COX7B2: variants seen among roughly 807,000 people sequenced by gnomAD.
The protein encoded by COX7B2 is cytochrome c oxidase subunit 7B2, mitochondrial.
For missense variants in COX7B2, 109 were observed against 95.9 expected, an observed-to-expected ratio of 1.14 and a Z score of -0.57; for synonymous variants, 37 against 32.1, an observed-to-expected ratio of 1.15 and a Z score of -0.51.
chr4:46,804,297 A>G (rs560988437), intron 2 of COX7B2, among the ~76,000 whole-genome samples: 1 of 152,286 alleles, frequency 6.6e-6, no homozygotes, highest in Admixed American at 6.5e-5. Flanking sequence ...CGAAGCTTCC[A>G]CGGTACGGAA....
At chr4:46,857,109 G>A (rs1182163193) in intron 1 of COX7B2, among the ~76,000 whole-genome samples, 4 of 152,184 alleles carry the variant, frequency 2.6e-5, no homozygotes, top group Non-Finnish European at 5.9e-5. Flanking sequence ...ATGGTGACAA[G>A]CCTAGTGGTT....
At chr4:46,879,745 G>A (rs987246269) in intron 1 of COX7B2, among the ~76,000 whole-genome samples, 1 of 149,972 alleles carries the variant, frequency 6.7e-6, no homozygotes, top group Admixed American at 6.7e-5. Flanking sequence ...AGCCAATTGA[G>A]ACATATTTTG....
intron 2 of COX7B2, among the ~76,000 whole-genome samples, chr4:46,831,470 G>T (rs1265881307): frequency 6.6e-6 from 1 of 152,198 alleles, no homozygotes; most frequent in Non-Finnish European, 1.5e-5. Context: ...CTCCACCTGT[G>T]GCCCCAGTGC....
At chr4:46,742,148 T>G (rs369367154) in intron 2 of COX7B2, among the ~76,000 whole-genome samples, 53 of 152,208 alleles carry the variant, frequency 3.5e-4, no homozygotes, top group African/African-American at 1.2e-3. Flanking sequence ...AAGAAACATT[T>G]GGTAGCATTT....
intron 2 of COX7B2, among the ~76,000 whole-genome samples, chr4:46,766,288 T>A (rs973237741): frequency 6.6e-6 from 1 of 152,158 alleles, no homozygotes; most frequent in Non-Finnish European, 1.5e-5. Context: ...TAAATCTATA[T>A]AAAAGTTAAA....
intron 1 of COX7B2, among the ~76,000 whole-genome samples, chr4:46,888,923 A>C (rs1375686941): frequency 6.6e-6 from 1 of 152,136 alleles, no homozygotes; most frequent in Non-Finnish European, 1.5e-5. Context: ...TGTACCTTCC[A>C]GTGTTGCTGC....
chr4:46,760,592 A>G (rs1002776192), intron 2 of COX7B2, among the ~76,000 whole-genome samples: 10 of 152,146 alleles, frequency 6.6e-5, no homozygotes, highest in Admixed American at 2.0e-4. Context: ...TAGCATTAGG[A>G]GAAATACCTA....
intron 1 of COX7B2, among the ~76,000 whole-genome samples, chr4:46,903,610 A>G (rs1204037977): frequency 6.6e-6 from 1 of 152,178 alleles, no homozygotes; most frequent in Non-Finnish European, 1.5e-5. Context: ...TAGGCTGCTC[A>G]TTCATGCTAA....
intron 1 of COX7B2, among the ~76,000 whole-genome samples, chr4:46,873,337 C>T (rs1413025553): frequency 6.6e-6 from 1 of 151,986 alleles, no homozygotes; most frequent in Non-Finnish European, 1.5e-5. Flanking sequence ...GGGTATATAC[C>T]CAGTAATGGG....
chr4:46,831,204 C>T (rs1255580392), intron 2 of COX7B2, among the ~76,000 whole-genome samples: 1 of 152,106 alleles, frequency 6.6e-6, no homozygotes, highest in East Asian at 1.9e-4. Context: ...GGAGGGTGGG[C>T]CGGGTCCCCC....
At chr4:46,874,884 T>C (rs912861041) in intron 1 of COX7B2, among the ~76,000 whole-genome samples, 1 of 152,216 alleles carries the variant, frequency 6.6e-6, no homozygotes, top group Non-Finnish European at 1.5e-5. Context: ...TAATCATAGT[T>C]GTATTTAACC....
intron 1 of COX7B2, among the ~76,000 whole-genome samples, chr4:46,905,673 A>C (rs867533505): frequency 6.6e-6 from 1 of 152,258 alleles, no homozygotes; most frequent in South Asian, 2.1e-4. Context: ...AATTAAGTAT[A>C]AAATTTTCCC....
chr4:46,799,978 G>A (rs1718566262), intron 2 of COX7B2, among the ~76,000 whole-genome samples: 5 of 152,046 alleles, frequency 3.3e-5, no homozygotes. Flanking sequence ...GTCAGGTTCA[G>A]GGCTTTTTTT....
At chr4:46,902,644 C>T (rs1175377035) in intron 1 of COX7B2, among the ~76,000 whole-genome samples, 1 of 152,206 alleles carries the variant, frequency 6.6e-6, no homozygotes, top group Non-Finnish European at 1.5e-5. Context: ...GTCAAAACTA[C>T]ATTAATTAAA....
At chr4:46,903,340 G>T (rs1720180636) in intron 1 of COX7B2, among the ~76,000 whole-genome samples, 1 of 152,140 alleles carries the variant, frequency 6.6e-6, no homozygotes, top group African/African-American at 2.4e-5. Context: ...ATACAGTCAT[G>T]TGCCACATAA....
At chr4:46,756,724 C>T (rs565867128) in intron 2 of COX7B2, among the ~76,000 whole-genome samples, 1 of 151,966 alleles carries the variant, frequency 6.6e-6, no homozygotes, top group Admixed American at 6.6e-5. Context: ...CAGAGAAATG[C>T]AAAGAAAAAC....
intron 2 of COX7B2, among the ~76,000 whole-genome samples, chr4:46,822,050 T>G (rs945787000): frequency 1.3e-5 from 2 of 152,192 alleles, no homozygotes; most frequent in African/African-American, 4.8e-5. Flanking sequence ...TAGCTGGGAC[T>G]ATAGGCGCAT....
intron 2 of COX7B2, among the ~76,000 whole-genome samples, chr4:46,817,177 T>C (rs1469739033): frequency 6.6e-5 from 10 of 152,236 alleles, no homozygotes; most frequent in Non-Finnish European, 1.3e-4. Context: ...CTAGAGTTTA[T>C]CTTGGTTGAA....
chr4:46,838,302 A>G (rs993143920), intron 2 of COX7B2, among the ~76,000 whole-genome samples: 2 of 152,090 alleles, frequency 1.3e-5, no homozygotes, highest in Non-Finnish European at 2.9e-5. Context: ...AATAATTTAA[A>G]TCATCTGTAA....
Sources: gnomAD v4.1 joint callset for allele counts (sites outside exome capture counted in the v4.1 genomes callset) on GRCh38, gnomAD v4.1.1 for gene constraint, MANE v1.5 for transcripts, NCBI Gene and HGNC (gene_info 2026-07-23, HGNC 2026-07-21) for gene names.